Variants in NDE1 observed in about 807,000 individuals in gnomAD.
NDE1 encodes the protein nudE neurodevelopment protein 1.
In NDE1, 28 loss-of-function variants were observed where a neutral mutation model predicts 43.4. That is an observed-to-expected ratio of 0.65 (90% CI 0.48 to 0.89). The LOEUF is 0.89. Ranked by LOEUF, NDE1 falls within the 40% of genes least tolerant of loss-of-function variation. The pLI is 0.00. For synonymous variants in NDE1, 184 were observed against 172.0 expected, an observed-to-expected ratio of 1.07 and a Z score of -0.55; for missense variants, 441 against 434.1, an observed-to-expected ratio of 1.02 and a Z score of -0.14.
intron 7 of NDE1, chr16:15,694,498 A>C (rs1326678335): frequency 8.2e-7 from 1 of 1,217,730 alleles, no homozygotes; most frequent in Non-Finnish European, 1.1e-6. Flanking sequence ...GGTGTGCGCC[A>C]CTATGCCTGG....
Position 15,696,766 on chromosome 16 carries a change from C to CG in NDE1, c.854dup (p.Thr286AsnfsTer29), listed in dbSNP as rs1341464236. ...CCTCGTGTACGATCAGTCCCCAAAC[C>CG]GAACAGGTGGCCCAGCCTCTGGGCG... On this transcript the variant is annotated frameshift_variant, in exon 8 of 9. Coordinates refer to ENST00000396354, the MANE Select transcript of NDE1 (RefSeq NM_017668.3). LOFTEE classifies it high-confidence loss of function. 7 of 1,614,192 alleles carry CG rather than the reference C, an allele frequency of 4.3e-6. No individual in the cohort carries two copies. Among genetic ancestry groups the CG allele is most frequent in the Non-Finnish European group, 5.9e-6 (7 of 1,180,034 alleles).
At chr16:15,676,475 G>C (rs1348643124) in intron 3 of NDE1, among the ~76,000 whole-genome samples, 1 of 151,906 alleles carries the variant, frequency 6.6e-6, no homozygotes, top group Non-Finnish European at 1.5e-5. Flanking sequence ...GCCCTCCAAA[G>C]TGCTGGGATT....
Position 15,709,787 on chromosome 16 carries a change from C to T in NDE1, c.947+12927C>T, listed in dbSNP as rs968328030. On this transcript the variant is annotated intron_variant, in intron 8 of 8. Coordinates refer to ENST00000396354, the MANE Select transcript of NDE1 (RefSeq NM_017668.3). ...AAGTCCCAGGCAAGGAACCTGCAGC[C>T]GCCTGTCCCTTGGTTTATGATTACT... is the stretch of plus-strand genomic sequence containing the variant. 4.6e-5 allele frequency among the ~76,000 whole-genome samples: 7 copies of T among 152,262 alleles called. No individual in the cohort carries two copies. In the East Asian group the frequency reaches 7.7e-4, roughly 17 times the overall value.
intron 8 of NDE1, among the ~76,000 whole-genome samples, chr16:15,723,633 T>C (rs7195365): frequency 0.13 from 19,420 of 152,078 alleles, 2,562 homozygotes; most frequent in African/African-American, 0.34. Flanking sequence ...GTGACAGAGC[T>C]AGATCCTGTC....
intron 8 of NDE1, among the ~76,000 whole-genome samples, chr16:15,707,908 G>T (rs1346829163): frequency 6.8e-6 from 1 of 146,584 alleles, no homozygotes; most frequent in Admixed American, 7.1e-5. Flanking sequence ...GGAGGCAAAG[G>T]TTGCGGTGAG....
At position 15,667,452 on chromosome 16, in the gene NDE1, G is replaced by C. The variant is rs768124263; in HGVS notation, c.237+13G>C. On this transcript the variant is annotated intron_variant, in intron 3 of 8. Coordinates refer to ENST00000396354, the MANE Select transcript of NDE1 (RefSeq NM_017668.3). Reference sequence around the variant, plus strand: ...GGAAACCATCAAGGTGAGGGGCTGAGAGGAAGTGTGCTCAGGTGTAGACAG... The same window carrying C: ...GGAAACCATCAAGGTGAGGGGCTGACAGGAAGTGTGCTCAGGTGTAGACAG... The C allele has an allele frequency of 6.2e-7, 1 of 1,613,476 alleles. No homozygotes were observed. Among genetic ancestry groups the C allele is most frequent in the South Asian group, 1.1e-5 (1 of 91,064 alleles).
chr16:15,687,914 G>T (rs943735483), intron 5 of NDE1, among the ~76,000 whole-genome samples: 2 of 152,178 alleles, frequency 1.3e-5, no homozygotes, highest in African/African-American at 4.8e-5. Context: ...TGGCACAGTG[G>T]CTCACACCTG....
chr16:15,659,697 A>G (rs1375161359), intron 1 of NDE1, among the ~76,000 whole-genome samples: 1 of 150,564 alleles, frequency 6.6e-6, no homozygotes, highest in African/African-American at 2.4e-5. Context: ...CTGGCCTCCC[A>G]AAGTACTGGG....
At chr16:15,648,808 C>T (rs1190453198), upstream of NDE1, among the ~76,000 whole-genome samples, 2 of 151,552 alleles carry the variant, frequency 1.3e-5, no homozygotes, top group Non-Finnish European at 2.9e-5. Context: ...AACTCTGTCT[C>T]GAAAAGAAAA....
intron 8 of NDE1, among the ~76,000 whole-genome samples, chr16:15,702,427 G>A (rs899829152): frequency 9.9e-5 from 15 of 152,106 alleles, no homozygotes; most frequent in African/African-American, 3.4e-4. Flanking sequence ...AGGTGTTACT[G>A]TTACCTAGGC....
At chr16:15,709,403 C>A (rs2039653964) in intron 8 of NDE1, among the ~76,000 whole-genome samples, 1 of 150,232 alleles carries the variant, frequency 6.7e-6, no homozygotes, top group Admixed American at 6.6e-5. Flanking sequence ...CAACCTCCAC[C>A]TCCCGGGTTC....
intron 1 of NDE1, among the ~76,000 whole-genome samples, chr16:15,650,910 GT>G (rs1211681482): frequency 2.6e-5 from 4 of 152,308 alleles, no homozygotes; most frequent in Admixed American, 2.0e-4. Flanking sequence ...GTTTGGGGCA[GT>G]CTGCTCTCCG....
chr16:15,692,399 G>A (rs1229668042), intron 6 of NDE1, among the ~76,000 whole-genome samples: 1 of 152,084 alleles, frequency 6.6e-6, no homozygotes, highest in East Asian at 1.9e-4. Flanking sequence ...CTAGAATTCC[G>A]GTGCAGAGCC....
intron 8 of NDE1, among the ~76,000 whole-genome samples, chr16:15,709,364 G>A (rs2039651476): frequency 1.3e-5 from 2 of 151,880 alleles, no homozygotes; most frequent in South Asian, 4.2e-4. Context: ...AGGATGGAGT[G>A]CACTGGCATG....
intron 8 of NDE1, chr16:15,699,582 T>G: frequency 8.3e-7 from 1 of 1,200,808 alleles, no homozygotes; most frequent in Non-Finnish European, 1.1e-6. Flanking sequence ...CAGTGTCCTC[T>G]TCTTCATTTC....
intron 8 of NDE1, chr16:15,721,197 G>A: frequency 1.0e-6 from 1 of 993,226 alleles, no homozygotes; most frequent in Non-Finnish European, 1.5e-6. Context: ...GATGACCCCT[G>A]AGAGTTCAGA....
chr16:15,685,649 G>A lies in NDE1; in HGVS notation c.387-1726G>A, dbSNP rs1206233104. Among the ~76,000 whole-genome samples, 4 of 152,168 alleles carry A rather than the reference G, an allele frequency of 2.6e-5. No individual in the cohort carries two copies. The East Asian group carries it at 5.8e-4, about 22-fold the overall frequency. On this transcript the variant is annotated intron_variant, in intron 4 of 8. Coordinates refer to ENST00000396354, the MANE Select transcript of NDE1 (RefSeq NM_017668.3). The stretch of plus-strand genomic sequence containing the variant: ...ACTTGTATGACTCCATCTAGACATA[G>A]TAGGATATGTTGAATAAATGAACTG...
At chr16:15,714,425 GA>G (rs1223597440) in intron 8 of NDE1, 1 of 193,280 alleles carries the variant, frequency 5.2e-6, no homozygotes, top group African/African-American at 2.3e-5. Context: ...ACTTTTCAGG[GA>G]TCTTTTTCCT....
chr16:15,697,440 G>A (rs916909032), intron 8 of NDE1, among the ~76,000 whole-genome samples: 3 of 152,160 alleles, frequency 2.0e-5, no homozygotes, highest in Non-Finnish European at 4.4e-5. Context: ...CAGGTGTGGT[G>A]ACGCTCGCCT....
Sources: allele counts gnomAD v4.1 joint callset (sites outside exome capture counted in the v4.1 genomes callset), GRCh38; gene constraint gnomAD v4.1.1; transcripts MANE v1.5; gene names NCBI Gene and HGNC (gene_info 2026-07-23, HGNC 2026-07-21).